Variants in FSTL5 observed in about 807,000 individuals in gnomAD.
FSTL5 encodes follistatin like 5, also known as follistatin-related protein 5.
Under a neutral mutation model 89.1 loss-of-function variants are expected in FSTL5, and 62 were observed. The observed-to-expected ratio is 0.70, with a 90% CI of 0.57 to 0.86. The LOEUF is 0.86. FSTL5 is among the 40% of genes least tolerant of loss of function. The pLI, the probability that FSTL5 is intolerant of heterozygous loss-of-function variation, is 0.00. For missense variants in FSTL5, 1,057 were observed against 1,001.6 expected (o/e 1.06, Z -0.75); for synonymous variants, 383 against 346.2 (o/e 1.11, Z -1.18).
chr4:161,436,951 A>T (rs564157637), intron 15 of FSTL5, among the ~76,000 whole-genome samples: 15 of 152,352 alleles, frequency 9.8e-5, no homozygotes, highest in African/African-American at 3.6e-4. Flanking sequence ...CCAGGCAATA[A>T]ACTATGTATT....
At chr4:161,918,352 C>T (rs1234109994) in intron 4 of FSTL5, among the ~76,000 whole-genome samples, 1 of 152,030 alleles carries the variant, frequency 6.6e-6, no homozygotes, top group African/African-American at 2.4e-5. Context: ...ATTTCTGAGA[C>T]CTGGAAAATA....
chr4:161,765,670 G>A (rs1740967950), intron 5 of FSTL5, among the ~76,000 whole-genome samples: 1 of 152,108 alleles, frequency 6.6e-6, no homozygotes, highest in Admixed American at 6.5e-5. Context: ...CAGTCATTGA[G>A]CAAATGGCAT....
rs187844814 is a variant in FSTL5 at position 162,038,328 on chromosome 4, G to A, written c.127-4670C>T. ...ACTTCATGAAATCCAGTCCAGTAAT[G>A]TAAGATGGCTAAAAGCTTTAGCAGA... is the stretch of plus-strand genomic sequence containing the variant. On this transcript the variant is annotated intron_variant, in intron 2 of 15. Transcript: ENST00000306100. Among the ~76,000 whole-genome samples the A allele has an allele frequency of 7.4e-4, 113 of 151,990 alleles. 1 individual carries two copies. Among genetic ancestry groups the A allele is most frequent in the African/African-American group, 2.7e-3 (111 of 41,536 alleles).
At chr4:162,040,722 T>C (rs1737919021) in intron 2 of FSTL5, among the ~76,000 whole-genome samples, 1 of 152,134 alleles carries the variant, frequency 6.6e-6, no homozygotes, top group African/African-American at 2.4e-5. Flanking sequence ...AAATTCTTTT[T>C]CTTAGAATTT....
At chr4:162,041,480 A>AATAT (rs143465916) in intron 2 of FSTL5, among the ~76,000 whole-genome samples, 1 of 150,506 alleles carries the variant, frequency 6.6e-6, no homozygotes, top group African/African-American at 2.4e-5. Context: ...TAGCCTAATG[A>AATAT]ATATATATAT....
At chr4:162,081,769 C>G (rs975233440) in intron 2 of FSTL5, among the ~76,000 whole-genome samples, 2 of 146,862 alleles carry the variant, frequency 1.4e-5, no homozygotes, top group African/African-American at 5.0e-5. Context: ...GAAAATAGAA[C>G]CAGAAAGAAA....
At chr4:161,968,859 A>T (rs1735398214) in intron 3 of FSTL5, among the ~76,000 whole-genome samples, 1 of 151,986 alleles carries the variant, frequency 6.6e-6, no homozygotes, top group African/African-American at 2.4e-5. Flanking sequence ...AGACAGGAGA[A>T]TACCTCTTGT....
In FSTL5 at chr4:161,841,192, C is replaced by A. The variant is rs1173604890; in HGVS notation, c.410-65118G>T. On this transcript the variant is annotated intron_variant, in intron 4 of 15. Coordinates refer to ENST00000306100, the MANE Select transcript of FSTL5 (RefSeq NM_020116.5). ...TTATTTAAACTTTCATGAAATTGCT[C>A]AAAGTGCATACACCATTTATTTTTC... Among the ~76,000 whole-genome samples, 5 of 152,124 alleles carry A rather than the reference C, an allele frequency of 3.3e-5. No homozygotes were observed. In the South Asian group the frequency reaches 8.3e-4, roughly 25 times the overall value.
chr4:161,864,840 C>T (rs186418249), intron 4 of FSTL5, among the ~76,000 whole-genome samples: 1 of 131,902 alleles, frequency 7.6e-6, no homozygotes, highest in East Asian at 2.3e-4. Flanking sequence ...CCACTGCACT[C>T]CGGGCTGACG....
chr4:161,502,011 A>G lies in FSTL5; in HGVS notation c.1340-1877T>C, dbSNP rs28552071. Reference sequence around the variant, plus strand: ...TGATTTTCATTTGTGTCTGTTACATACTATGTTTGATTTTTATTACTAAGC... The same window carrying G: ...TGATTTTCATTTGTGTCTGTTACATGCTATGTTTGATTTTTATTACTAAGC... On this transcript the variant is annotated intron_variant, in intron 11 of 15. Coordinates refer to ENST00000306100, the MANE Select transcript of FSTL5 (RefSeq NM_020116.5). Among the ~76,000 whole-genome samples, 903 of 152,156 alleles carry G rather than the reference A, an allele frequency of 5.9e-3. 4 individuals carry two copies. The highest frequency in any genetic ancestry group is 0.021 in the African/African-American group (859 of 41,576).
chr4:161,768,440 C>G (rs1741092574), intron 5 of FSTL5, among the ~76,000 whole-genome samples: 1 of 151,794 alleles, frequency 6.6e-6, no homozygotes, highest in African/African-American at 2.4e-5. Flanking sequence ...TTTGGAGCCC[C>G]AGGAAAAGTA....
intron 15 of FSTL5, among the ~76,000 whole-genome samples, chr4:161,389,912 T>G (rs989598582): frequency 1.2e-4 from 19 of 152,290 alleles, no homozygotes; most frequent in African/African-American, 4.3e-4. Context: ...AATTTTTCTG[T>G]GCAGGTAATA....
chr4:161,426,243 T>A (rs1732164031), intron 15 of FSTL5, among the ~76,000 whole-genome samples: 1 of 152,144 alleles, frequency 6.6e-6, no homozygotes, highest in Non-Finnish European at 1.5e-5. Context: ...TTGCACTGTG[T>A]GAAGAGTTTA....
At chr4:161,490,323 CAT>C (rs1729823936) in intron 12 of FSTL5, among the ~76,000 whole-genome samples, 1 of 152,094 alleles carries the variant, frequency 6.6e-6, no homozygotes, top group Non-Finnish European at 1.5e-5. Context: ...TCTGATAACA[CAT>C]GTTGTACAAT....
intron 1 of FSTL5, among the ~76,000 whole-genome samples, chr4:162,153,749 TAC>T (rs200115324): frequency 3.7e-5 from 3 of 80,986 alleles, no homozygotes; most frequent in East Asian, 2.8e-4. Context: ...TATAATAATA[TAC>T]ATGTATATAT....
At chr4:161,417,104 T>C (rs1731814037) in intron 15 of FSTL5, among the ~76,000 whole-genome samples, 2 of 152,230 alleles carry the variant, frequency 1.3e-5, no homozygotes, top group African/African-American at 4.8e-5. Flanking sequence ...GTTTATATGT[T>C]ATTTAGTTTA....
intron 4 of FSTL5, among the ~76,000 whole-genome samples, chr4:161,836,598 T>C (rs947193875): frequency 4.6e-5 from 7 of 152,014 alleles, no homozygotes; most frequent in African/African-American, 1.7e-4. Context: ...TGCATGCTCT[T>C]TTAAGGAGTT....
chr4:161,918,678 T>A (rs2110855807), intron 4 of FSTL5, among the ~76,000 whole-genome samples: 1 of 152,104 alleles, frequency 6.6e-6, no homozygotes, highest in East Asian at 1.9e-4. Flanking sequence ...GGGGTCTCGC[T>A]CTGTTGCCTA....
At chr4:161,524,814 C>G (rs529780389) in intron 10 of FSTL5, among the ~76,000 whole-genome samples, 1 of 151,808 alleles carries the variant, frequency 6.6e-6, no homozygotes, top group Non-Finnish European at 1.5e-5. Context: ...AAAAATTAGC[C>G]GGAGGTGGTG....
Sources: gnomAD v4.1 joint callset for allele counts (sites outside exome capture counted in the v4.1 genomes callset) on GRCh38, gnomAD v4.1.1 for gene constraint, MANE v1.5 for transcripts, NCBI Gene and HGNC (gene_info 2026-07-23, HGNC 2026-07-21) for gene names.